SPAG9: variants seen among roughly 807,000 people sequenced by gnomAD.
The protein encoded by SPAG9 is sperm associated antigen 9.
In SPAG9, 35 loss-of-function variants were observed where a neutral mutation model predicts 166.5. That is an observed-to-expected ratio of 0.21 (90% CI 0.16 to 0.28). The LOEUF is 0.28. SPAG9 is among the 10% of genes least tolerant of loss of function. The probability of loss-of-function intolerance (pLI) is 1.00; values close to 1 mark genes in which losing one functional copy is unlikely to be tolerated. For synonymous variants in SPAG9, 534 were observed against 565.5 expected (o/e 0.94, Z 0.79); for missense variants, 1,235 against 1,603.3 (o/e 0.77, Z 3.92).
At chr17:51,112,671 C>CAAAAAAAAA (rs1206604151) in intron 1 of SPAG9, among the ~76,000 whole-genome samples, 4 of 41,404 alleles carry the variant, frequency 9.7e-5, no homozygotes, top group African/African-American at 2.4e-4. Flanking sequence ...TCTGTCTCAA[C>CAAAAAAAAA]AAAAAAAAAA....
intron 2 of SPAG9, among the ~76,000 whole-genome samples, chr17:51,066,638 C>T (rs1237987953): frequency 6.7e-6 from 1 of 150,166 alleles, no homozygotes; most frequent in African/African-American, 2.4e-5. Context: ...GGGCAGATCA[C>T]GAGGTCAGGA....
At chr17:51,091,265 C>G (rs1226683901) in intron 1 of SPAG9, among the ~76,000 whole-genome samples, 1 of 147,426 alleles carries the variant, frequency 6.8e-6, no homozygotes, top group Admixed American at 6.7e-5. Flanking sequence ...GGATCAAGAC[C>G]CTGTATACAA....
Position 50,974,919 on chromosome 17 carries a change from A to T in SPAG9, c.3552T>A (p.Asn1184Lys), listed in dbSNP as rs779514844. The change falls in exon 28 of 30, where the codon AAT (asparagine) becomes AAA (lysine). Residue 1184 changes from asparagine to lysine, a missense_variant. Physicochemically the swap from Asn to Lys is moderately conservative, Grantham distance 94. Transcript: ENST00000262013. ...ATACACGGATTACACTTCCAGGACGATTTCCTGGTACACCTGAGGTTTTAT... is the reference window on the plus strand; with the variant it reads ...ATACACGGATTACACTTCCAGGACGTTTTCCTGGTACACCTGAGGTTTTAT... ...ETNKTSGVPG[N>K]RPGSVIRVYG... is the part of the protein sequence containing the mutation. 1 of 1,610,372 alleles carries T rather than the reference A, an allele frequency of 6.2e-7. No individual in the cohort carries two copies. The highest frequency in any genetic ancestry group is 1.1e-5 in the South Asian group (1 of 89,990).
chr17:51,011,093 A>C (rs956363497), intron 9 of SPAG9, among the ~76,000 whole-genome samples: 1 of 152,162 alleles, frequency 6.6e-6, no homozygotes, highest in Non-Finnish European at 1.5e-5. Flanking sequence ...AGAGTTTTAA[A>C]TAAGAAAGTT....
intron 25 of SPAG9, among the ~76,000 whole-genome samples, chr17:50,982,045 A>T (rs1974694803): frequency 6.6e-6 from 1 of 151,978 alleles, no homozygotes; most frequent in South Asian, 2.1e-4. Flanking sequence ...AAAAAAAAAA[A>T]AGAAAAAAGA....
intron 26 of SPAG9, among the ~76,000 whole-genome samples, chr17:50,977,599 C>T (rs1974293705): frequency 6.6e-6 from 1 of 152,110 alleles, no homozygotes; most frequent in African/African-American, 2.4e-5. Flanking sequence ...AACAAAAAAC[C>T]CCAACAGAAA....
chr17:51,054,944 C>T (rs1337624263), intron 3 of SPAG9, among the ~76,000 whole-genome samples: 1 of 152,200 alleles, frequency 6.6e-6, no homozygotes, highest in Non-Finnish European at 1.5e-5. Context: ...AAAAATTCTA[C>T]ACCCTACCCC....
intron 19 of SPAG9, among the ~76,000 whole-genome samples, chr17:50,992,629 G>T (rs1182884041): frequency 6.6e-6 from 1 of 151,748 alleles, no homozygotes; most frequent in Non-Finnish European, 1.5e-5. Context: ...ACAATGAGTT[G>T]TGACTGCACC....
intron 22 of SPAG9, among the ~76,000 whole-genome samples, chr17:50,986,188 C>A (rs1163510986): frequency 6.6e-6 from 1 of 152,342 alleles, no homozygotes; most frequent in East Asian, 1.9e-4. Context: ...TGTTTTAATC[C>A]AGCCTGCAAG....
chr17:51,072,064 A>G (rs1298027570), intron 2 of SPAG9, among the ~76,000 whole-genome samples: 1 of 152,106 alleles, frequency 6.6e-6, no homozygotes, highest in East Asian at 1.9e-4. Flanking sequence ...ACTTTGTCAC[A>G]AAATTCATAT....
At chr17:51,098,322 G>A (rs183697505) in intron 1 of SPAG9, among the ~76,000 whole-genome samples, 157 of 134,668 alleles carry the variant, frequency 1.2e-3, no homozygotes, top group Non-Finnish European at 2.1e-3. Context: ...CAGACAGTTC[G>A]TGGTTTTTTT....
intron 21 of SPAG9, among the ~76,000 whole-genome samples, chr17:50,989,291 G>A (rs1975338027): frequency 6.6e-6 from 1 of 152,132 alleles, no homozygotes; most frequent in Non-Finnish European, 1.5e-5. Context: ...TCTAGCCTAG[G>A]AGCAATGGGC....
At chr17:51,096,371 G>A (rs1236711226) in intron 1 of SPAG9, among the ~76,000 whole-genome samples, 2 of 151,508 alleles carry the variant, frequency 1.3e-5, no homozygotes, top group African/African-American at 4.8e-5. Flanking sequence ...AAAAAAGAAA[G>A]AAAGAAAGAA....
intron 1 of SPAG9, among the ~76,000 whole-genome samples, chr17:51,101,345 CAAAAAAAAAAAAAA>C (rs60896400): frequency 5.4e-5 from 5 of 92,004 alleles, no homozygotes; most frequent in Non-Finnish European, 1.0e-4. Flanking sequence ...GATTCTGTCT[CAAAAAAAAAAAAAA>C]AAAAAAAAAA....
chr17:51,099,792 A>G (rs2048756098), intron 1 of SPAG9, among the ~76,000 whole-genome samples: 1 of 143,492 alleles, frequency 7.0e-6, no homozygotes, highest in Admixed American at 7.0e-5. Flanking sequence ...AAAAAAAACT[A>G]GAAATTGTTA....
chr17:50,988,972 A>G (rs1361884806), intron 21 of SPAG9, among the ~76,000 whole-genome samples: 1 of 152,144 alleles, frequency 6.6e-6, no homozygotes, highest in Non-Finnish European at 1.5e-5. Context: ...TGATAACTGG[A>G]GTGAAAATTA....
intron 4 of SPAG9, chr17:51,046,637 C>G: frequency 6.5e-7 from 1 of 1,536,110 alleles, no homozygotes; most frequent in Non-Finnish European, 8.7e-7. Context: ...CAAACACAAA[C>G]AGCAGCATGC....
rs774409147 is a variant in SPAG9, at chr17:50,998,764, C to T, written c.1665-147G>A. On this transcript the variant is annotated intron_variant, in intron 14 of 29. Transcript: ENST00000262013. Reference sequence around the variant, plus strand: ...GGCAAAAACAGTTTTTGTAGTCATACGCTGTAGCCTTAGCAGTAACTCGTA... The same window carrying T: ...GGCAAAAACAGTTTTTGTAGTCATATGCTGTAGCCTTAGCAGTAACTCGTA... 1.1e-5 allele frequency: 7 copies of T among 648,796 alleles called. 1 individual carries two copies. Among genetic ancestry groups the T allele is most frequent in the South Asian group, 1.0e-4 (5 of 47,944 alleles). The allele number at this position is 648,796 out of a possible 1,614,324, so 40.2% of individuals were successfully genotyped here. A position where few individuals can be genotyped will look rare whatever the true frequency, so the allele number is the denominator to read the frequency against.
chr17:50,999,494 A>AC, intron 14 of SPAG9, 167 bp downstream of exon 14: 2 of 1,496,794 alleles, frequency 1.3e-6, no homozygotes, highest in African/African-American at 1.4e-5. Context: ...CACACTATAT[A>AC]TTAAAAAAAA....
Sources: allele counts gnomAD v4.1 joint callset (sites outside exome capture counted in the v4.1 genomes callset), GRCh38; gene constraint gnomAD v4.1.1; transcripts MANE v1.5; gene names NCBI Gene and HGNC (gene_info 2026-07-23, HGNC 2026-07-21).